PTCHD4: variants seen among roughly 807,000 people sequenced by gnomAD.
PTCHD4 encodes the protein patched domain-containing protein 4.
Under a neutral mutation model 58.1 loss-of-function variants are expected in PTCHD4, and 33 were observed. That is an observed-to-expected ratio of 0.57 (90% CI 0.43 to 0.76). The LOEUF is 0.76. PTCHD4 is among the 30% of genes least tolerant of loss of function. The probability of loss-of-function intolerance (pLI) is 0.00; values close to 1 mark genes in which losing one functional copy is unlikely to be tolerated. For missense variants in PTCHD4, 1,058 were observed against 1,027.1 expected, an observed-to-expected ratio of 1.03 and a Z score of -0.41; for synonymous variants, 478 against 409.6, an observed-to-expected ratio of 1.17 and a Z score of -2.02.
intron 4 of PTCHD4, among the ~76,000 whole-genome samples, chr6:47,919,250 T>A (rs1453476719): frequency 6.6e-6 from 1 of 152,176 alleles, no homozygotes; most frequent in African/African-American, 2.4e-5. Flanking sequence ...CTGTGATATA[T>A]CAGTCACTGT....
At position 47,861,067 on chromosome 6, in the gene PTCHD4, C is replaced by T. The variant is rs189696565; in HGVS notation, c.*17236G>A. 1.2e-4 allele frequency among the ~76,000 whole-genome samples: 19 copies of T among 152,022 alleles called. No homozygotes were observed. The highest frequency in any genetic ancestry group is 1.2e-3 in the Admixed American group (19 of 15,244). Reference sequence around the variant, plus strand: ...TTTCAATCGCAGTCTAATTATTGAGCTCTCCCAATCCCTCCAGTGCTAAAT... The same window carrying T: ...TTTCAATCGCAGTCTAATTATTGAGTTCTCCCAATCCCTCCAGTGCTAAAT... On this transcript the variant is annotated 3_prime_UTR_variant, in exon 5 of 5. Transcript: ENST00000339488.
intron 3 of PTCHD4, among the ~76,000 whole-genome samples, chr6:48,046,150 C>T (rs1439871814): frequency 1.3e-5 from 2 of 151,842 alleles, no homozygotes; most frequent in Non-Finnish European, 2.9e-5. Context: ...CTAAAACTTG[C>T]TATCTCTGAA....
chr6:48,092,001 A>G (rs563852558), intron 1 of PTCHD4, among the ~76,000 whole-genome samples: 97 of 147,100 alleles, frequency 6.6e-4, no homozygotes, highest in African/African-American at 2.1e-3. Flanking sequence ...ATACACACAC[A>G]CACATACACA....
intron 3 of PTCHD4, among the ~76,000 whole-genome samples, chr6:48,020,433 T>C (rs1192236874): frequency 1.3e-5 from 2 of 152,110 alleles, no homozygotes; most frequent in Admixed American, 6.5e-5. Flanking sequence ...CTACTCATTC[T>C]AATGATTCTC....
intron 4 of PTCHD4, among the ~76,000 whole-genome samples, chr6:47,947,989 C>A (rs1032585493): frequency 6.6e-6 from 1 of 152,134 alleles, no homozygotes; most frequent in African/African-American, 2.4e-5. Context: ...GTGCAGTGTT[C>A]AATAATTTCT....
At chr6:48,047,038 A>G (rs1019410948) in intron 3 of PTCHD4, among the ~76,000 whole-genome samples, 6 of 151,868 alleles carry the variant, frequency 4.0e-5, no homozygotes, top group Admixed American at 3.9e-4. Flanking sequence ...GAGCCTGAAT[A>G]TTGGGTTGCC....
intron 1 of PTCHD4, among the ~76,000 whole-genome samples, chr6:48,074,850 T>C (rs1320143390): frequency 6.6e-6 from 1 of 152,232 alleles, no homozygotes; most frequent in Middle Eastern, 3.2e-3. Context: ...TCTGTTCAAA[T>C]GAATTGACTT....
chr6:47,949,317 A>T (rs1383284143), intron 4 of PTCHD4, among the ~76,000 whole-genome samples: 1 of 152,204 alleles, frequency 6.6e-6, no homozygotes, highest in Non-Finnish European at 1.5e-5. Flanking sequence ...CTGCAGGCTT[A>T]TGTGGCTGGA....
intron 4 of PTCHD4, among the ~76,000 whole-genome samples, chr6:47,979,673 A>T (rs1344850270): frequency 6.6e-6 from 1 of 152,086 alleles, no homozygotes; most frequent in Non-Finnish European, 1.5e-5. Flanking sequence ...ATTAATATTC[A>T]ATTAGTACCT....
In PTCHD4 at chr6:48,002,735, T is replaced by A. The variant is rs1768783702; in HGVS notation, c.898+5899A>T. 4.0e-5 allele frequency among the ~76,000 whole-genome samples: 6 copies of A among 151,424 alleles called. No individual in the cohort carries two copies. In the South Asian group the frequency reaches 1.3e-3, roughly 32 times the overall value. ...GTAACAAACCTGCACATTGTGCACATGTACCCTAAAACTTAAAGTATAATA... is the reference window on the plus strand; with the variant it reads ...GTAACAAACCTGCACATTGTGCACAAGTACCCTAAAACTTAAAGTATAATA... On this transcript the variant is annotated intron_variant, in intron 4 of 4. Coordinates refer to ENST00000339488, the MANE Select transcript of PTCHD4 (RefSeq NM_001384253.1).
chr6:47,952,932 A>C (rs1286019604), intron 4 of PTCHD4, among the ~76,000 whole-genome samples: 2 of 152,072 alleles, frequency 1.3e-5, no homozygotes, highest in East Asian at 1.9e-4. Context: ...AAAATATATC[A>C]CATATATATG....
chr6:47,994,438 C>T (rs1561995776), intron 4 of PTCHD4, among the ~76,000 whole-genome samples: 1 of 152,136 alleles, frequency 6.6e-6, no homozygotes, highest in Non-Finnish European at 1.5e-5. Flanking sequence ...AAGTCTTGAC[C>T]TTTTAATGAA....
intron 4 of PTCHD4, among the ~76,000 whole-genome samples, chr6:47,926,076 C>T (rs56229292): frequency 0.017 from 2,635 of 152,196 alleles, 84 homozygotes; most frequent in African/African-American, 0.059. Flanking sequence ...AACTTATCTG[C>T]GTTATCAAAG....
intron 4 of PTCHD4, among the ~76,000 whole-genome samples, chr6:47,911,847 A>G (rs1243182886): frequency 1.3e-5 from 2 of 152,086 alleles, no homozygotes; most frequent in African/African-American, 4.8e-5. Flanking sequence ...ACTGGATGAG[A>G]TCTAGGGAAT....
At chr6:47,977,713 TAAAATA>T (rs138344897) in intron 4 of PTCHD4, among the ~76,000 whole-genome samples, 21,798 of 152,116 alleles carry the variant, frequency 0.14, 1,810 homozygotes, top group South Asian at 0.25. Context: ...TATATATTTA[TAAAATA>T]ATTAAAGTAT....
At chr6:47,975,035 A>G (rs1767642139) in intron 4 of PTCHD4, among the ~76,000 whole-genome samples, 1 of 152,178 alleles carries the variant, frequency 6.6e-6, no homozygotes, top group Non-Finnish European at 1.5e-5. Flanking sequence ...CAGTTGACTC[A>G]TCTCCTCTGG....
intron 4 of PTCHD4, among the ~76,000 whole-genome samples, chr6:47,913,415 T>A (rs1204944796): frequency 6.6e-6 from 1 of 152,102 alleles, no homozygotes; most frequent in African/African-American, 2.4e-5. Context: ...CCAATCCTCA[T>A]TTCCAGAAAC....
intron 3 of PTCHD4, among the ~76,000 whole-genome samples, chr6:48,023,579 A>G (rs1053108232): frequency 6.6e-6 from 1 of 152,020 alleles, no homozygotes; most frequent in Non-Finnish European, 1.5e-5. Context: ...ATCCCTTCTG[A>G]TATCGCCTAC....
At chr6:48,050,238 A>G (rs1764182419) in intron 3 of PTCHD4, among the ~76,000 whole-genome samples, 1 of 152,022 alleles carries the variant, frequency 6.6e-6, no homozygotes, top group Admixed American at 6.6e-5. Context: ...CATGATGTGC[A>G]CATAAATTGA....
Sources: gnomAD v4.1 joint callset for allele counts (sites outside exome capture counted in the v4.1 genomes callset) on GRCh38, gnomAD v4.1.1 for gene constraint, MANE v1.5 for transcripts, NCBI Gene and HGNC (gene_info 2026-07-23, HGNC 2026-07-21) for gene names.